KCNAB1: variants seen among roughly 807,000 people sequenced by gnomAD.
The protein encoded by KCNAB1 is potassium voltage-gated channel subfamily A regulatory beta subunit 1, also known as voltage-gated potassium channel subunit beta-1.
A neutral mutation model predicts 64.6 loss-of-function variants in KCNAB1; 35 were observed. The observed-to-expected ratio is 0.54, with a 90% CI of 0.41 to 0.72. The LOEUF (loss-of-function observed/expected upper bound fraction) is 0.72. Among genes scored for constraint, KCNAB1 ranks in the 30% least tolerant of loss-of-function variants. The pLI, the probability that KCNAB1 is intolerant of heterozygous loss-of-function variation, is 0.00. For synonymous variants in KCNAB1, 177 were observed against 183.8 expected (o/e 0.96, Z 0.30); for missense variants, 401 against 512.9 (o/e 0.78, Z 2.11).
chr3:156,204,933 T>C (rs1430379618), intron 1 of KCNAB1, among the ~76,000 whole-genome samples: 3 of 152,186 alleles, frequency 2.0e-5, no homozygotes, highest in Admixed American at 6.5e-5. Context: ...TGTCAATTGA[T>C]TTTCTTATTT....
intron 11 of KCNAB1, among the ~76,000 whole-genome samples, chr3:156,520,130 G>T (rs575513731): frequency 5.3e-5 from 8 of 152,286 alleles, no homozygotes; most frequent in Admixed American, 5.2e-4. Flanking sequence ...TGATGAGTAC[G>T]TAAGAGGTAC....
At chr3:156,315,601 C>CT (rs72377999) in intron 1 of KCNAB1, among the ~76,000 whole-genome samples, 35 of 148,910 alleles carry the variant, frequency 2.4e-4, no homozygotes, top group African/African-American at 2.9e-4. Flanking sequence ...CTTACAAAAG[C>CT]TTTTTTTTTT....
chr3:156,185,607 T>C (rs1303474604), intron 1 of KCNAB1, among the ~76,000 whole-genome samples: 1 of 152,126 alleles, frequency 6.6e-6, no homozygotes, highest in Non-Finnish European at 1.5e-5. Context: ...ATTGTGAAAA[T>C]GTGACAAGGC....
chr3:156,414,864 T>C (rs1189156635), intron 1 of KCNAB1, among the ~76,000 whole-genome samples: 2 of 152,186 alleles, frequency 1.3e-5, no homozygotes, highest in African/African-American at 4.8e-5. Flanking sequence ...ACACTCAAGT[T>C]TGTATGGTTA....
intron 8 of KCNAB1, among the ~76,000 whole-genome samples, chr3:156,496,980 G>T (rs1716052282): frequency 2.0e-5 from 3 of 152,050 alleles, no homozygotes; most frequent in Admixed American, 2.0e-4. Context: ...AGCCACTACT[G>T]GGTCAGCCTC....
At chr3:156,465,718 T>C in intron 7 of KCNAB1, 32 bp downstream of exon 7, 1 of 1,573,662 alleles carries the variant, frequency 6.4e-7, no homozygotes. Context: ...TTATTTTTGG[T>C]TGTGGGCCCC....
At chr3:156,436,048 T>C (rs1246952953) in intron 2 of KCNAB1, among the ~76,000 whole-genome samples, 1 of 152,152 alleles carries the variant, frequency 6.6e-6, no homozygotes, top group East Asian at 1.9e-4. Context: ...GCATTAGCTA[T>C]TTTTCCTGAT....
At chr3:156,252,139 C>T (rs1477079148) in intron 1 of KCNAB1, among the ~76,000 whole-genome samples, 1 of 152,220 alleles carries the variant, frequency 6.6e-6, no homozygotes, top group African/African-American at 2.4e-5. Context: ...CTCCCCCTGA[C>T]GGAGGGCATC....
intron 3 of KCNAB1, among the ~76,000 whole-genome samples, chr3:156,454,859 C>T (rs1344208837): frequency 6.6e-6 from 1 of 152,212 alleles, no homozygotes; most frequent in African/African-American, 2.4e-5. Context: ...TCACTCTCCT[C>T]TTCACAGTGT....
intron 1 of KCNAB1, among the ~76,000 whole-genome samples, chr3:156,184,916 C>G (rs1208345317): frequency 6.6e-6 from 1 of 152,162 alleles, no homozygotes; most frequent in Non-Finnish European, 1.5e-5. Context: ...GGCTCCAGAT[C>G]CAGTCAATAC....
intron 1 of KCNAB1, among the ~76,000 whole-genome samples, chr3:156,205,569 C>T (rs1424664590): frequency 6.6e-6 from 1 of 152,178 alleles, no homozygotes; most frequent in Non-Finnish European, 1.5e-5. Flanking sequence ...TTTCTTTTCT[C>T]CCCTATACAT....
intron 12 of KCNAB1, among the ~76,000 whole-genome samples, chr3:156,530,884 C>T (rs1351083820): frequency 6.6e-6 from 1 of 152,126 alleles, no homozygotes; most frequent in Non-Finnish European, 1.5e-5. Context: ...AAGGTAGAAA[C>T]AGGAATCCAG....
At chr3:156,186,488 TC>T (rs959671149) in intron 1 of KCNAB1, among the ~76,000 whole-genome samples, 2 of 152,190 alleles carry the variant, frequency 1.3e-5, no homozygotes, top group Non-Finnish European at 2.9e-5. Flanking sequence ...TATTCCTTGT[TC>T]CTGCCTTCTG....
At chr3:156,249,356 A>G (rs1717671342) in intron 1 of KCNAB1, among the ~76,000 whole-genome samples, 1 of 152,022 alleles carries the variant, frequency 6.6e-6, no homozygotes, top group Non-Finnish European at 1.5e-5. Flanking sequence ...TGAGGTCAGG[A>G]GTTCGAGATC....
chr3:156,452,865 G>A lies in KCNAB1; in HGVS notation c.320-34G>A. Reference sequence around the variant, plus strand: ...TTACGCACAATATTAGAAAAATGATGATGAATAATATGCAAATATTTATTA... The same window carrying A: ...TTACGCACAATATTAGAAAAATGATAATGAATAATATGCAAATATTTATTA... On this transcript the variant is annotated intron_variant, in intron 2 of 13. Transcript: ENST00000490337. This position sits in a 1 kb window ranked among gnomAD's most constrained non-coding sequence, Gnocchi z 4.6. The A allele has an allele frequency of 2.0e-6, 3 of 1,491,280 alleles. No individual in the cohort carries two copies. The highest frequency in any genetic ancestry group is 2.8e-5 in the African/African-American group (2 of 71,722). The allele number at this position is 1,491,280 out of a possible 1,614,324, so 92.4% of individuals were successfully genotyped here. A position where few individuals can be genotyped will look rare whatever the true frequency, so the allele number is the denominator to read the frequency against.
At chr3:156,317,978 T>G (rs985504261) in intron 1 of KCNAB1, among the ~76,000 whole-genome samples, 1 of 152,178 alleles carries the variant, frequency 6.6e-6, no homozygotes. Flanking sequence ...TAGTTAGATA[T>G]CTAAGATACC....
chr3:156,270,089 G>A (rs1718938454), intron 1 of KCNAB1, among the ~76,000 whole-genome samples: 1 of 151,790 alleles, frequency 6.6e-6, no homozygotes, highest in African/African-American at 2.4e-5. Context: ...CTAATTTTTT[G>A]TATTTTTTAG....
chr3:156,348,709 T>G (rs779294917), intron 1 of KCNAB1, among the ~76,000 whole-genome samples: 3 of 152,190 alleles, frequency 2.0e-5, no homozygotes, highest in Non-Finnish European at 2.9e-5. Context: ...TCAGCCTAAA[T>G]TCAATATTGT....
chr3:156,390,446 ATTAGT>A (rs1010642710), intron 1 of KCNAB1, among the ~76,000 whole-genome samples: 4 of 152,172 alleles, frequency 2.6e-5, no homozygotes, highest in Non-Finnish European at 4.4e-5. Flanking sequence ...GGCATATTTG[ATTAGT>A]TTAGAGTCTT....
Sources: allele counts gnomAD v4.1 joint callset (sites outside exome capture counted in the v4.1 genomes callset), GRCh38; gene constraint gnomAD v4.1.1; non-coding constraint Gnocchi (gnomAD v3.1); transcripts MANE v1.5; gene names NCBI Gene and HGNC (gene_info 2026-07-23, HGNC 2026-07-21).